The following PLBD2 variants were observed in gnomAD, a reference collection of about 807,000 sequenced individuals.
PLBD2 encodes the protein putative aminopeptidase PLBD2.
A neutral mutation model predicts 68.3 loss-of-function variants in PLBD2; 51 were observed. That is an observed-to-expected ratio of 0.75 (90% CI 0.60 to 0.94). The LOEUF (loss-of-function observed/expected upper bound fraction) is 0.94, where lower values mean the gene tolerates loss of function less well. PLBD2 is among the 40% of genes least tolerant of loss of function. The pLI, the probability that PLBD2 is intolerant of heterozygous loss-of-function variation, is 0.00. For synonymous variants in PLBD2, 314 were observed against 339.3 expected, an observed-to-expected ratio of 0.93 and a Z score of 0.82; for missense variants, 729 against 792.2, an observed-to-expected ratio of 0.92 and a Z score of 0.96.
At chr12:113,369,561 A>G (rs537995860) in intron 2 of PLBD2, among the ~76,000 whole-genome samples, 2 of 152,372 alleles carry the variant, frequency 1.3e-5, no homozygotes, top group East Asian at 1.9e-4. Flanking sequence ...ATGGATACAT[A>G]CAACGTGATC....
Position 113,391,180 on chromosome 12 carries a change from T to C in PLBD2, c.*2554T>C, listed in dbSNP as rs1957607885. On this transcript the variant is annotated 3_prime_UTR_variant, in exon 12 of 12. Coordinates refer to ENST00000280800, the MANE Select transcript of PLBD2 (RefSeq NM_173542.4). Reference sequence around the variant, plus strand: ...AAGGCTCTCTCCCTGTCTGATCTCATGCAGCCTGCCTTGGAGACAAGACTC... The same window carrying C: ...AAGGCTCTCTCCCTGTCTGATCTCACGCAGCCTGCCTTGGAGACAAGACTC... 6.6e-6 allele frequency: 1 copy of C among 152,142 alleles called. No individual in the cohort carries two copies. Among genetic ancestry groups the C allele is most frequent in the Non-Finnish European group, 1.5e-5 (1 of 68,028 alleles). The allele number at this position is 152,142 out of a possible 1,614,324, so 9.4% of individuals were successfully genotyped here. A position where few individuals can be genotyped will look rare whatever the true frequency, so the allele number is the denominator to read the frequency against.
intron 5 of PLBD2, among the ~76,000 whole-genome samples, chr12:113,378,910 C>G (rs1282808553): frequency 6.6e-6 from 1 of 152,148 alleles, no homozygotes; most frequent in Non-Finnish European, 1.5e-5. Context: ...TCTCAAACTC[C>G]TGGCCTCCTG....
Position 113,384,516 on chromosome 12 carries a change from G to A in PLBD2, c.1118+251G>A, listed in dbSNP as rs1348854787. Among the ~76,000 whole-genome samples, 5 of 152,206 alleles carry A rather than the reference G, an allele frequency of 3.3e-5. No individual in the cohort carries two copies. The highest frequency in any genetic ancestry group is 1.2e-4 in the African/African-American group (5 of 41,456). ...GCACTTGGAACCTGAAGACTCTCAA[G>A]GGGACAGTGGGGAGGGCTGTTTGAG... is the stretch of plus-strand genomic sequence containing the variant. On this transcript the variant is annotated intron_variant, in intron 7 of 11. Transcript: ENST00000280800. The surrounding 1 kb of genome is among the most constrained non-coding windows in gnomAD (Gnocchi z 4.2).
At chr12:113,377,184 G>A (rs1379427186) in intron 5 of PLBD2, 1 of 152,224 alleles carries the variant, frequency 6.6e-6, no homozygotes, top group Non-Finnish European at 1.5e-5. Context: ...TGCTATCACA[G>A]TGGTTTGGTG....
At chr12:113,386,219 C>T (rs796187674) in intron 9 of PLBD2, among the ~76,000 whole-genome samples, 20 of 150,140 alleles carry the variant, frequency 1.3e-4, no homozygotes, top group African/African-American at 4.7e-4. Context: ...GACAGAGTCT[C>T]GCTCTGTCAC....
rs1273264501 is a variant in PLBD2, at chr12:113,388,691, G to A, written c.*65G>A. ...CTCGTCAGGGTCACCCCCGTCCCAA[G>A]GCCACCGGACTTCTAACTCCAGCCC... On this transcript the variant is annotated 3_prime_UTR_variant, in exon 12 of 12. Coordinates refer to ENST00000280800, the MANE Select transcript of PLBD2 (RefSeq NM_173542.4). 3.4e-6 allele frequency: 5 copies of A among 1,480,336 alleles called. No individual in the cohort carries two copies. Among genetic ancestry groups the A allele is most frequent in the Non-Finnish European group, 4.5e-6 (5 of 1,112,674 alleles). 91.7% of individuals were successfully genotyped at this position (1,480,336 alleles called of 1,614,324 possible).
Position 113,388,656 on chromosome 12 carries a change from C to T in PLBD2, c.*30C>T. ...CTGTCCCTGCTCTGCTGCTTTCGCC[C>T]CTGCTGACCCTCGTCAGGGTCACCC... On this transcript the variant is annotated 3_prime_UTR_variant, in exon 12 of 12. Transcript: ENST00000280800. 6.5e-7 allele frequency: 1 copy of T among 1,531,104 alleles called. No homozygotes were observed. Among genetic ancestry groups the T allele is most frequent in the Non-Finnish European group, 8.8e-7 (1 of 1,137,574 alleles). 94.8% of individuals were successfully genotyped at this position (1,531,104 alleles called of 1,614,324 possible). A position where few individuals can be genotyped will look rare whatever the true frequency, so the allele number is the denominator to read the frequency against.
At chr12:113,382,291 A>G (rs1450864165) in intron 6 of PLBD2, among the ~76,000 whole-genome samples, 3 of 152,244 alleles carry the variant, frequency 2.0e-5, no homozygotes, top group Non-Finnish European at 2.9e-5. Context: ...ACCATAAGTT[A>G]GAAGAAGCAA....
chr12:113,387,728 C>T lies in PLBD2; in HGVS notation c.1440-16C>T. ...CTTCCTGGGATGACTGATGTTCCCT[C>T]CTTTTCCCCATCCAGGTACAATGAC... On this transcript the variant is annotated splice_polypyrimidine_tract_variant and intron_variant, in intron 10 of 11. Transcript: ENST00000280800. 1 of 1,611,182 alleles carries T rather than the reference C, an allele frequency of 6.2e-7. No individual in the cohort carries two copies. Among genetic ancestry groups the T allele is most frequent in the Non-Finnish European group, 8.5e-7 (1 of 1,177,610 alleles).
Position 113,380,731 on chromosome 12 carries a change from C to T in PLBD2, c.860-14C>T. 1 of 1,546,496 alleles carries T rather than the reference C, an allele frequency of 6.5e-7. No individual in the cohort carries two copies. The highest frequency in any genetic ancestry group is 2.4e-5 in the East Asian group (1 of 40,914). Reference sequence around the variant, plus strand: ...CTGTCTGACCAGCATCCCTGGCTCGCTCTGCCTGCACAGGGGACTACCCGC... The same window carrying T: ...CTGTCTGACCAGCATCCCTGGCTCGTTCTGCCTGCACAGGGGACTACCCGC... On this transcript the variant is annotated splice_polypyrimidine_tract_variant and intron_variant, in intron 5 of 11. Transcript: ENST00000280800.
chr12:113,384,015 A>G lies in PLBD2; in HGVS notation c.958-90A>G. 8.5e-7 allele frequency: 1 copy of G among 1,182,058 alleles called. No homozygotes were observed. Among genetic ancestry groups the G allele is most frequent in the Non-Finnish European group, 1.1e-6 (1 of 895,796 alleles). 73.2% of individuals were successfully genotyped at this position (1,182,058 alleles called of 1,614,324 possible). On this transcript the variant is annotated intron_variant, in intron 6 of 11. Coordinates refer to ENST00000280800, the MANE Select transcript of PLBD2 (RefSeq NM_173542.4). This position sits in a 1 kb window ranked among gnomAD's most constrained non-coding sequence, Gnocchi z 4.2. ...CTATCTCAAAAAAAAAAAAAAAAAA[A>G]AAAAATTTTTGGAGCCATGACTGAT...
chr12:113,361,765 C>G (rs1369694451), intron 1 of PLBD2, among the ~76,000 whole-genome samples: 1 of 152,172 alleles, frequency 6.6e-6, no homozygotes, highest in Non-Finnish European at 1.5e-5. Flanking sequence ...CTGCCTCAGT[C>G]TAGCTCTGGC....
chr12:113,388,500 G>A lies in PLBD2; in HGVS notation c.1644G>A (p.Ala548=), dbSNP rs755222048. ...TGGCCAGGATCCTGAGCCTGCTGGCGGCCAGCGGTCCCACGTGGGACCAGG... is the reference window on the plus strand; with the variant it reads ...TGGCCAGGATCCTGAGCCTGCTGGCAGCCAGCGGTCCCACGTGGGACCAGG... The part of the protein sequence containing the change: ...MSLARILSLL[A]ASGPTWDQVP... Residue 548 remains alanine, a synonymous_variant, in exon 12 of 12, where the codon GCG becomes GCA. Transcript: ENST00000280800. The A allele has an allele frequency of 1.4e-5, 22 of 1,605,858 alleles. No homozygotes were observed. In the South Asian group the frequency reaches 1.5e-4, roughly 11 times the overall value.
At chr12:113,387,941 G>A in intron 11 of PLBD2, 35 bp downstream of exon 11, 2 of 1,606,400 alleles carry the variant, frequency 1.2e-6, no homozygotes, top group East Asian at 2.2e-5. Flanking sequence ...AGCTGTGGGT[G>A]GGGGAAGTCA....
chr12:113,386,354 A>AT (rs1221763402), intron 9 of PLBD2, among the ~76,000 whole-genome samples: 33 of 90,670 alleles, frequency 3.6e-4, no homozygotes, highest in South Asian at 6.1e-4. Flanking sequence ...ACGCCGGCTA[A>AT]TTTTTTTTTT....
chr12:113,365,962 A>G (rs1002764198), intron 1 of PLBD2, among the ~76,000 whole-genome samples: 1 of 152,128 alleles, frequency 6.6e-6, no homozygotes, highest in Non-Finnish European at 1.5e-5. Context: ...TTACCCCGTT[A>G]TGTCCTTATC....
intron 5 of PLBD2, among the ~76,000 whole-genome samples, chr12:113,377,946 C>G (rs895234436): frequency 6.6e-6 from 1 of 152,228 alleles, no homozygotes; most frequent in Non-Finnish European, 1.5e-5. Flanking sequence ...GAACACTCCA[C>G]AACCCAAAAG....
In PLBD2 at chr12:113,386,917, A is replaced by G. The variant is rs1159606323; in HGVS notation, c.1287-20A>G. 1 of 1,611,080 alleles carries G rather than the reference A, an allele frequency of 6.2e-7. No homozygotes were observed. Among genetic ancestry groups the G allele is most frequent in the Non-Finnish European group, 8.5e-7 (1 of 1,179,004 alleles). On this transcript the variant is annotated intron_variant, in intron 9 of 11. Coordinates refer to ENST00000280800, the MANE Select transcript of PLBD2 (RefSeq NM_173542.4). The stretch of plus-strand genomic sequence containing the variant: ...GTGAGGCCAGTGGGGGTCATGGGTG[A>G]CCATCCTTGTCCCCGGCAGGTCCTT...
intron 1 of PLBD2, chr12:113,359,227 A>G (rs1957264122): frequency 7.4e-6 from 2 of 270,922 alleles, no homozygotes; most frequent in East Asian, 1.7e-4. Flanking sequence ...CCTCACGGGG[A>G]CCTGCTCCCT....
Sources: gnomAD v4.1 joint callset for allele counts (sites outside exome capture counted in the v4.1 genomes callset) on GRCh38, gnomAD v4.1.1 for gene constraint, Gnocchi (gnomAD v3.1) non-coding constraint, MANE v1.5 for transcripts, NCBI Gene and HGNC (gene_info 2026-07-23, HGNC 2026-07-21) for gene names.